The following GRHL1 variants were observed in gnomAD, a reference collection of about 807,000 sequenced individuals.
GRHL1 encodes grainyhead-like protein 1 homolog.
A neutral mutation model predicts 75.7 loss-of-function variants in GRHL1; 38 were observed. That is an observed-to-expected ratio of 0.50 (90% confidence interval 0.39 to 0.66). The LOEUF (loss-of-function observed/expected upper bound fraction) is 0.66. Among genes scored for constraint, GRHL1 ranks in the 30% least tolerant of loss-of-function variants. GRHL1 has a pLI of 0.00. For missense variants in GRHL1, 589 were observed against 767.5 expected (o/e 0.77, Z 2.75); for synonymous variants, 266 against 279.4 (o/e 0.95, Z 0.48).
chr2:9,953,974 T>A (rs1666906357), intron 1 of GRHL1, among the ~76,000 whole-genome samples: 1 of 152,258 alleles, frequency 6.6e-6, no homozygotes, highest in Non-Finnish European at 1.5e-5. Flanking sequence ...TATTAAATAG[T>A]ACCAACCGAA....
At chr2:9,976,010 G>A (rs1667933642) in intron 8 of GRHL1, among the ~76,000 whole-genome samples, 2 of 152,184 alleles carry the variant, frequency 1.3e-5, no homozygotes, top group Non-Finnish European at 2.9e-5. Context: ...AATTTCATAG[G>A]TGTTTTTGAG....
At position 9,962,533 on chromosome 2, in the gene GRHL1, TA is replaced by T; in HGVS notation, c.746+4del. ...CTATGTTTTTGACAGTGTTTCTGGG[TA>T]ATAGATGTCTTTTAATTTGATTTTT... On this transcript the variant is annotated splice_donor_region_variant and intron_variant, in intron 5 of 15. Transcript: ENST00000324907. The T allele has an allele frequency of 6.9e-7, 1 of 1,459,732 alleles. No homozygotes were observed. The allele number at this position is 1,459,732 out of a possible 1,614,324, so 90.4% of individuals were successfully genotyped here.
chr2:9,970,782 A>C (rs1339024096), intron 8 of GRHL1, among the ~76,000 whole-genome samples: 2 of 152,248 alleles, frequency 1.3e-5, no homozygotes, highest in African/African-American at 4.8e-5. Context: ...AGCTATAAGA[A>C]GGAACTCCGA....
At chr2:9,970,933 A>T (rs1461670385) in intron 8 of GRHL1, among the ~76,000 whole-genome samples, 1 of 152,148 alleles carries the variant, frequency 6.6e-6, no homozygotes, top group African/African-American at 2.4e-5. Context: ...CTGTGTTTGG[A>T]TGGGAAACCG....
chr2:9,963,888 A>G lies in GRHL1; in HGVS notation c.749A>G (p.Asn250Ser), dbSNP rs115336755. The change falls in exon 6 of 16, where the codon AAC becomes AGC. Residue 250 changes from asparagine (N) to serine (S), a missense_variant and splice_region_variant. Around this residue, in one of 5 missense-constraint regions of GRHL1, gnomAD observed 362 missense variants for 461.8 expected, o/e 0.78. Coordinates refer to ENST00000324907, the MANE Select transcript of GRHL1 (RefSeq NM_198182.3). ...EDYVFDSVSG[N>S]NFEYTLEASK... The stretch of plus-strand genomic sequence containing the variant: ...CTGTGACTTTTTTTGTCCTTTAGGA[A>G]CAACTTTGAATATACCCTAGAAGCT... 745 of 1,608,158 alleles carry G rather than the reference A, an allele frequency of 4.6e-4. 5 individuals are homozygous for G. The African/African-American group carries it at 8.5e-3, about 18-fold the overall frequency.
intron 8 of GRHL1, among the ~76,000 whole-genome samples, chr2:9,981,263 G>A (rs1668186759): frequency 2.6e-5 from 4 of 152,256 alleles, no homozygotes; most frequent in Admixed American, 2.6e-4. Context: ...CCCTCCATGA[G>A]TGTGGGCTGG....
At chr2:9,963,380 G>A (rs1036170672) in intron 5 of GRHL1, among the ~76,000 whole-genome samples, 1 of 152,314 alleles carries the variant, frequency 6.6e-6, no homozygotes, top group Non-Finnish European at 1.5e-5. Flanking sequence ...CTGCTGAGCC[G>A]TGGCCTGGGA....
chr2:9,995,731 C>G, intron 12 of GRHL1, 148 bp from the exon 13 acceptor site: 2 of 631,944 alleles, frequency 3.2e-6, no homozygotes, highest in Non-Finnish European at 5.6e-6. Flanking sequence ...TTCCTTTAGC[C>G]TGATTTTTCA....
rs770634409 is a variant in GRHL1, at chr2:10,001,090, G to A, written c.*383G>A. The A allele has an allele frequency of 7.7e-5, 12 of 156,378 alleles. No homozygotes were observed. Among genetic ancestry groups the A allele is most frequent in the Middle Eastern group, 3.0e-3 (1 of 330 alleles). The allele number at this position is 156,378 out of a possible 1,614,324, so 9.7% of individuals were successfully genotyped here. A position where few individuals can be genotyped will look rare whatever the true frequency, so the allele number is the denominator to read the frequency against. ...GTCGTGGGCCTGCTCGCTAGCAGAA[G>A]TCAGAAAAGGCGATAGGCTTGGCTT... On this transcript the variant is annotated 3_prime_UTR_variant, in exon 16 of 16. Coordinates refer to ENST00000324907, the MANE Select transcript of GRHL1 (RefSeq NM_198182.3).
At chr2:9,993,367 C>T in intron 12 of GRHL1, 123 bp downstream of exon 12, 2 of 741,926 alleles carry the variant, frequency 2.7e-6, no homozygotes, top group Non-Finnish European at 4.8e-6. Context: ...AAGTTGCCAG[C>T]CTGATGGCCC....
At chr2:9,996,742 TACATAAAA>T in intron 14 of GRHL1, among the ~76,000 whole-genome samples, 1 of 152,344 alleles carries the variant, frequency 6.6e-6, no homozygotes, top group African/African-American at 2.4e-5. Flanking sequence ...AAAAACTTCA[TACATAAAA>T]ACAGTGGCTC....
intron 1 of GRHL1, chr2:9,953,072 A>C (rs1442036750): frequency 2.2e-6 from 1 of 456,730 alleles, no homozygotes; most frequent in Non-Finnish European, 4.4e-6. Context: ...TTTTGTGTTT[A>C]TTTCTTGACG....
intron 14 of GRHL1, among the ~76,000 whole-genome samples, chr2:9,998,360 A>G (rs551183381): frequency 6.7e-6 from 1 of 150,274 alleles, no homozygotes; most frequent in Admixed American, 6.7e-5. Context: ...CCAGCACACG[A>G]GCTGGGGCTT....
rs1473650762 is a variant in GRHL1 at position 9,961,231 on chromosome 2, A to G, written c.464A>G (p.His155Arg). 1 of 1,613,630 alleles carries G rather than the reference A, an allele frequency of 6.2e-7. No homozygotes were observed. The highest frequency in any genetic ancestry group is 8.5e-7 in the Non-Finnish European group (1 of 1,179,934). Residue 155 changes from histidine to arginine, a missense_variant, in exon 4 of 16, where the codon CAC becomes CGC. This residue lies in a region of GRHL1 where 362 missense variants were observed against 461.8 expected (regional missense o/e 0.78). Coordinates refer to ENST00000324907, the MANE Select transcript of GRHL1 (RefSeq NM_198182.3). ...VTVSIATMPT[H>R]SIKTETQPHG... Reference sequence around the variant, plus strand: ...GTCTCCATAGCAACGATGCCTACCCACTCCATCAAGACAGAAACCCAGCCA... The same window carrying G: ...GTCTCCATAGCAACGATGCCTACCCGCTCCATCAAGACAGAAACCCAGCCA...
At chr2:9,981,380 C>A (rs1353407830) in intron 8 of GRHL1, among the ~76,000 whole-genome samples, 1 of 152,230 alleles carries the variant, frequency 6.6e-6, no homozygotes, top group African/African-American at 2.4e-5. Flanking sequence ...TACTCAATTA[C>A]AAACAGGGAA....
intron 8 of GRHL1, among the ~76,000 whole-genome samples, chr2:9,981,489 A>T (rs1045639970): frequency 6.6e-6 from 1 of 152,244 alleles, no homozygotes; most frequent in African/African-American, 2.4e-5. Context: ...AGCAGACGAC[A>T]GCTCTGAGGC....
chr2:9,998,771 C>CAT (rs201546419), intron 14 of GRHL1, among the ~76,000 whole-genome samples, 194 bp from the exon 15 acceptor site: 726 of 32,558 alleles, frequency 0.022, 136 homozygotes, highest in East Asian at 0.045. Context: ...TATATGTACA[C>CAT]ACATATATAC....
chr2:9,977,809 C>T (rs1446001860), intron 8 of GRHL1, among the ~76,000 whole-genome samples: 3 of 152,058 alleles, frequency 2.0e-5, no homozygotes, highest in Non-Finnish European at 4.4e-5. Context: ...TGGCCATTTC[C>T]CTAAAGAATC....
At chr2:9,980,447 G>T (rs1443308345) in intron 8 of GRHL1, among the ~76,000 whole-genome samples, 1 of 150,850 alleles carries the variant, frequency 6.6e-6, no homozygotes, top group Non-Finnish European at 1.5e-5. Context: ...TAAATATTTT[G>T]AAACATTCTA....
Sources: gnomAD v4.1 joint callset for allele counts (sites outside exome capture counted in the v4.1 genomes callset) on GRCh38, gnomAD v4.1.1 for gene constraint, gnomAD v4.1.1 regional missense constraint, MANE v1.5 for transcripts, NCBI Gene and HGNC (gene_info 2026-07-23, HGNC 2026-07-21) for gene names.